BRINP3: variants seen among roughly 807,000 people sequenced by gnomAD.
The protein encoded by BRINP3 is BMP/retinoic acid-inducible neural-specific protein 3.
BRINP3 carries 19 observed loss-of-function variants against 71.0 expected under a neutral mutation model. The observed-to-expected ratio is 0.27, with a 90% confidence interval of 0.19 to 0.39. BRINP3 has a LOEUF of 0.39. Among genes scored for constraint, BRINP3 ranks in the 10% least tolerant of loss-of-function variants. The probability of loss-of-function intolerance (pLI) is 1.00; values close to 1 mark genes in which losing one functional copy is unlikely to be tolerated. For synonymous variants in BRINP3, 380 were observed against 337.7 expected (o/e 1.13, Z -1.37); for missense variants, 959 against 940.8 (o/e 1.02, Z -0.25).
At chr1:190,102,369 G>T (rs1651777058) in intron 7 of BRINP3, among the ~76,000 whole-genome samples, 1 of 152,062 alleles carries the variant, frequency 6.6e-6, no homozygotes, top group South Asian at 2.1e-4. Flanking sequence ...AAATTAGTTT[G>T]TATCAAGTGT....
intron 6 of BRINP3, among the ~76,000 whole-genome samples, chr1:190,178,730 C>G (rs1053018876): frequency 2.4e-4 from 37 of 151,904 alleles, no homozygotes; most frequent in Non-Finnish European, 1.2e-4. Context: ...AATATACAGG[C>G]AACCACTATA....
chr1:190,168,837 AC>A (rs1005298006), intron 6 of BRINP3, among the ~76,000 whole-genome samples: 2 of 152,158 alleles, frequency 1.3e-5, no homozygotes, highest in Non-Finnish European at 2.9e-5. Context: ...TGGTAGCTTT[AC>A]CATTGGCATG....
At chr1:190,262,126 C>G (rs1043690246) in intron 4 of BRINP3, among the ~76,000 whole-genome samples, 3 of 152,160 alleles carry the variant, frequency 2.0e-5, no homozygotes, top group Non-Finnish European at 4.4e-5. Flanking sequence ...GTTCATGTAA[C>G]TCAGAGCTGT....
At chr1:190,211,687 A>G (rs926786657) in intron 6 of BRINP3, among the ~76,000 whole-genome samples, 2 of 152,174 alleles carry the variant, frequency 1.3e-5, no homozygotes, top group Admixed American at 1.3e-4. Context: ...GAGAAAAAAC[A>G]TCAGGCCAAC....
chr1:190,277,599 CCCT>C (rs1206363838), intron 3 of BRINP3, among the ~76,000 whole-genome samples: 1 of 151,608 alleles, frequency 6.6e-6, no homozygotes, highest in Non-Finnish European at 1.5e-5. Context: ...CTCTTTCTCC[CCCT>C]AATTAAAGCC....
chr1:190,369,455 G>A (rs1669718052), intron 2 of BRINP3, among the ~76,000 whole-genome samples: 1 of 151,822 alleles, frequency 6.6e-6, no homozygotes, highest in African/African-American at 2.4e-5. Flanking sequence ...ATAATTATTT[G>A]AATTAAAAAA....
intron 1 of BRINP3, among the ~76,000 whole-genome samples, chr1:190,467,556 G>A (rs1172229551): frequency 6.6e-6 from 1 of 151,432 alleles, no homozygotes; most frequent in African/African-American, 2.4e-5. Flanking sequence ...AGTTGACAGA[G>A]AGGCTTGGAT....
chr1:190,182,786 G>A (rs1465667945), intron 6 of BRINP3, among the ~76,000 whole-genome samples: 1 of 152,138 alleles, frequency 6.6e-6, no homozygotes, highest in Non-Finnish European at 1.5e-5. Flanking sequence ...GATGTAGCGT[G>A]GGAGCTTTGG....
intron 6 of BRINP3, among the ~76,000 whole-genome samples, chr1:190,163,997 T>C (rs985291289): frequency 2.6e-5 from 4 of 152,140 alleles, no homozygotes; most frequent in Non-Finnish European, 5.9e-5. Context: ...AACACCACTA[T>C]ATTAAATTAT....
At chr1:190,463,804 T>C (rs1676554517) in intron 1 of BRINP3, among the ~76,000 whole-genome samples, 1 of 151,884 alleles carries the variant, frequency 6.6e-6, no homozygotes, top group Non-Finnish European at 1.5e-5. Flanking sequence ...TCTTTCTTAA[T>C]CTTTACATTT....
At chr1:190,233,498 G>C (rs1158372763) in intron 5 of BRINP3, among the ~76,000 whole-genome samples, 1 of 152,104 alleles carries the variant, frequency 6.6e-6, no homozygotes, top group Admixed American at 6.6e-5. Flanking sequence ...CATTTTTCAA[G>C]ATTGCAAAGT....
chr1:190,115,689 T>C (rs939606524), intron 7 of BRINP3, among the ~76,000 whole-genome samples: 9 of 152,200 alleles, frequency 5.9e-5, no homozygotes, highest in African/African-American at 2.2e-4. Flanking sequence ...TACAGAGATA[T>C]GGAGAAGTTC....
chr1:190,316,031 C>T (rs1162737257), intron 2 of BRINP3, among the ~76,000 whole-genome samples: 4 of 138,124 alleles, frequency 2.9e-5, no homozygotes, highest in African/African-American at 8.2e-5. Flanking sequence ...CATGATCAAT[C>T]CCCCCACCCC....
At chr1:190,299,953 C>G (rs959988800) in intron 2 of BRINP3, among the ~76,000 whole-genome samples, 1 of 152,010 alleles carries the variant, frequency 6.6e-6, no homozygotes, top group African/African-American at 2.4e-5. Flanking sequence ...TTGAGGTTAA[C>G]CTGACCCTTC....
At chr1:190,133,176 T>C (rs187364989) in intron 7 of BRINP3, among the ~76,000 whole-genome samples, 1 of 152,264 alleles carries the variant, frequency 6.6e-6, no homozygotes, top group Non-Finnish European at 1.5e-5. Flanking sequence ...TTTGCAGCCA[T>C]AGATAACTAG....
At chr1:190,426,220 C>T (rs779051837) in intron 2 of BRINP3, among the ~76,000 whole-genome samples, 2 of 151,686 alleles carry the variant, frequency 1.3e-5, no homozygotes, top group Non-Finnish European at 3.0e-5. Flanking sequence ...CCAGTCTCAC[C>T]TTTATGTAGA....
At chr1:190,227,502 T>C (rs1030701976) in intron 5 of BRINP3, among the ~76,000 whole-genome samples, 25 of 151,982 alleles carry the variant, frequency 1.6e-4, no homozygotes, top group African/African-American at 4.3e-4. Context: ...AGAAATTTAT[T>C]TGTCACAGAG....
intron 6 of BRINP3, among the ~76,000 whole-genome samples, chr1:190,176,327 T>C (rs929359136): frequency 6.6e-6 from 1 of 152,146 alleles, no homozygotes; most frequent in South Asian, 2.1e-4. Flanking sequence ...CTCCCATTGG[T>C]CTGCAAGTTG....
At chr1:190,475,135 A>C (rs1280743752) in intron 1 of BRINP3, among the ~76,000 whole-genome samples, 1 of 152,176 alleles carries the variant, frequency 6.6e-6, no homozygotes, top group East Asian at 1.9e-4. Context: ...GGAAGGAGTG[A>C]CCGTCAGCAA....
Sources: gnomAD v4.1 joint callset for allele counts (sites outside exome capture counted in the v4.1 genomes callset) on GRCh38, gnomAD v4.1.1 for gene constraint, MANE v1.5 for transcripts, NCBI Gene and HGNC (gene_info 2026-07-23, HGNC 2026-07-21) for gene names.